The following SDC3 variants were observed in gnomAD, a reference collection of about 807,000 sequenced individuals.
The protein encoded by SDC3 is syndecan 3.
SDC3 carries 13 observed loss-of-function variants against 24.4 expected under a neutral mutation model. The observed-to-expected ratio is 0.53, with a 90% CI of 0.35 to 0.85. The LOEUF is 0.85. Ranked by LOEUF, SDC3 falls within the 40% of genes least tolerant of loss-of-function variation. SDC3 has a pLI of 0.01. For synonymous variants in SDC3, 295 were observed against 260.9 expected, an observed-to-expected ratio of 1.13 and a Z score of -1.26; for missense variants, 571 against 584.5, an observed-to-expected ratio of 0.98 and a Z score of 0.24.
rs1441059578 is a variant in SDC3 at position 30,870,645 on chromosome 1, C to T, written c.*2566G>A. On this transcript the variant is annotated 3_prime_UTR_variant, in exon 5 of 5. Coordinates refer to ENST00000339394, the MANE Select transcript of SDC3 (RefSeq NM_014654.4). ...GGTCCAGGGATCCATGAACAAGGCC[C>T]CTGGCCTCTTCTCTCAAATGCTAAG... 1 of 152,238 alleles carries T rather than the reference C, an allele frequency of 6.6e-6. No homozygotes were observed. The highest frequency in any genetic ancestry group is 6.5e-5 in the Admixed American group (1 of 15,292). 9.4% of individuals were successfully genotyped at this position (152,238 alleles called of 1,614,324 possible).
intron 1 of SDC3, chr1:30,881,483 T>A (rs1639744098): frequency 2.0e-5 from 3 of 152,510 alleles, no homozygotes; most frequent in African/African-American, 7.2e-5. Context: ...ACAACTCGGA[T>A]ACAACCTTTC....
At chr1:30,904,359 G>C (rs537299440) in intron 1 of SDC3, among the ~76,000 whole-genome samples, 1 of 152,204 alleles carries the variant, frequency 6.6e-6, no homozygotes, top group Admixed American at 6.5e-5. Context: ...CTCCCACTTG[G>C]GATGAGCCCC....
intron 1 of SDC3, among the ~76,000 whole-genome samples, chr1:30,891,634 T>C (rs1277173694): frequency 8.6e-5 from 13 of 151,476 alleles, no homozygotes; most frequent in Admixed American, 4.6e-4. Flanking sequence ...TCCCAGAATT[T>C]TGGGAGGCTG....
chr1:30,892,024 C>T (rs1201124747), intron 1 of SDC3, among the ~76,000 whole-genome samples: 1 of 151,968 alleles, frequency 6.6e-6, no homozygotes, highest in African/African-American at 2.4e-5. Context: ...CTCACCCCCC[C>T]AACCCAACAT....
In SDC3 at chr1:30,871,424, T is replaced by C. The variant is rs1461081120; in HGVS notation, c.*1787A>G. On this transcript the variant is annotated 3_prime_UTR_variant, in exon 5 of 5. Transcript: ENST00000339394. ...TGTGACCCCACATTTAAAATACCGATGGAAATAGCCCTACTTGCTAGGTAA... is the reference window on the plus strand; with the variant it reads ...TGTGACCCCACATTTAAAATACCGACGGAAATAGCCCTACTTGCTAGGTAA... 4 of 152,196 alleles carry C rather than the reference T, an allele frequency of 2.6e-5. No homozygotes were observed. Among genetic ancestry groups the C allele is most frequent in the African/African-American group, 9.6e-5 (4 of 41,510 alleles). The allele number at this position is 152,196 out of a possible 1,614,324, so 9.4% of individuals were successfully genotyped here.
At chr1:30,876,190 C>T (rs1219297128) in intron 3 of SDC3, among the ~76,000 whole-genome samples, 1 of 152,150 alleles carries the variant, frequency 6.6e-6, no homozygotes, top group East Asian at 1.9e-4. Flanking sequence ...CAGGGACTGG[C>T]CTGAGGTCCC....
chr1:30,881,428 AC>A (rs1639742654), intron 1 of SDC3: 2 of 153,032 alleles, frequency 1.3e-5, no homozygotes, highest in African/African-American at 4.8e-5. Flanking sequence ...TCGCTCCTAG[AC>A]ATCACCCTCG....
At chr1:30,873,503 G>A in intron 4 of SDC3, 126 bp from the exon 5 acceptor site, 1 of 649,932 alleles carries the variant, frequency 1.5e-6, no homozygotes, top group Non-Finnish European at 2.7e-6. Flanking sequence ...GAGTGATGAT[G>A]GAGTCAATAC....
chr1:30,897,372 C>A (rs1397671229), intron 1 of SDC3, among the ~76,000 whole-genome samples: 1 of 152,162 alleles, frequency 6.6e-6, no homozygotes, highest in Non-Finnish European at 1.5e-5. Context: ...CCTCAGTGTC[C>A]CCTTTGGAAC....
At chr1:30,894,653 T>C (rs1317711329) in intron 1 of SDC3, among the ~76,000 whole-genome samples, 9 of 29,020 alleles carry the variant, frequency 3.1e-4, no homozygotes, top group Non-Finnish European at 4.6e-4. Context: ...GTGTGGGGTG[T>C]GTGTGGGTGA....
Position 30,871,270 on chromosome 1 carries a change from C to T in SDC3, c.*1941G>A, listed in dbSNP as rs1417565540. The T allele has an allele frequency of 6.6e-6, 1 of 152,274 alleles. No individual in the cohort carries two copies. The highest frequency in any genetic ancestry group is 1.5e-5 in the Non-Finnish European group (1 of 68,064). 9.4% of individuals were successfully genotyped at this position (152,274 alleles called of 1,614,324 possible). The stretch of plus-strand genomic sequence containing the variant: ...TCTTGAAAAGGGCCCTGAAATAAAA[C>T]CTGCCTTCCTGACTTGAATCTGGGA... On this transcript the variant is annotated 3_prime_UTR_variant, in exon 5 of 5. Transcript: ENST00000339394.
In SDC3 at chr1:30,908,623, G is replaced by GC; in HGVS notation, c.-38_-37insG. The stretch of plus-strand genomic sequence containing the variant: ...GGGCGCGGGCGGCGGGCGGCGGGCG[G>GC]GCGCCTTTGTTCCCGAGGCGCGGCG... On this transcript the variant is annotated 5_prime_UTR_variant, in exon 1 of 5. Coordinates refer to ENST00000339394, the MANE Select transcript of SDC3 (RefSeq NM_014654.4). The GC allele has an allele frequency of 1.1e-6, 1 of 878,558 alleles. No individual in the cohort carries two copies. Among genetic ancestry groups the GC allele is most frequent in the Non-Finnish European group, 1.4e-6 (1 of 736,190 alleles). 54.4% of individuals were successfully genotyped at this position (878,558 alleles called of 1,614,324 possible). A position where few individuals can be genotyped will look rare whatever the true frequency, so the allele number is the denominator to read the frequency against.
In SDC3 at chr1:30,874,464, T is replaced by G. The variant is rs1639596706; in HGVS notation, c.995A>C (p.Glu332Ala). 2 of 1,614,056 alleles carry G rather than the reference T, an allele frequency of 1.2e-6. No individual in the cohort carries two copies. The highest frequency in any genetic ancestry group is 1.7e-6 in the Non-Finnish European group (2 of 1,180,024). Reference protein sequence around the residue: ...EETTQPDTANEVVAVGGAAAK... With the variant: ...EETTQPDTANAVVAVGGAAAK... ...CGCAGCCCCTCCCACAGCTACCACC[T>G]CATTGGCTGTGTCTGGTTGTGTGGT... is the stretch of plus-strand genomic sequence containing the variant. Residue 332 changes from glutamate to alanine, a missense_variant, in exon 4 of 5, where the codon GAG becomes GCG. Physicochemically the swap from Glu to Ala is moderately radical, Grantham distance 107. Coordinates refer to ENST00000339394, the MANE Select transcript of SDC3 (RefSeq NM_014654.4).
Position 30,870,124 on chromosome 1 carries a change from C to T in SDC3, c.*3087G>A. On this transcript the variant is annotated 3_prime_UTR_variant, in exon 5 of 5. Coordinates refer to ENST00000339394, the MANE Select transcript of SDC3 (RefSeq NM_014654.4). ...CCTACCCCATGAGGCAGAGGGTCTGCTCCCTGTGTCCAGGGGCCCCCACCA... is the reference window on the plus strand; with the variant it reads ...CCTACCCCATGAGGCAGAGGGTCTGTTCCCTGTGTCCAGGGGCCCCCACCA... 1 of 389,104 alleles carries T rather than the reference C, an allele frequency of 2.6e-6. No homozygotes were observed. The highest frequency in any genetic ancestry group is 4.5e-6 in the Non-Finnish European group (1 of 220,656). The allele number at this position is 389,104 out of a possible 1,614,324, so 24.1% of individuals were successfully genotyped here.
chr1:30,909,668 C>T (rs1638613100), upstream of SDC3, among the ~76,000 whole-genome samples: 1 of 152,202 alleles, frequency 6.6e-6, no homozygotes, highest in South Asian at 2.1e-4. Context: ...GGTTTTGTGT[C>T]TGTCTTGTTC....
chr1:30,886,531 G>T (rs976501348), intron 1 of SDC3, among the ~76,000 whole-genome samples: 1 of 152,122 alleles, frequency 6.6e-6, no homozygotes, highest in African/African-American at 2.4e-5. Context: ...CCACTCAGCT[G>T]CCCTGGGAAG....
intron 1 of SDC3, among the ~76,000 whole-genome samples, chr1:30,907,281 G>A (rs1413252119): frequency 1.2e-4 from 18 of 152,100 alleles, no homozygotes. Context: ...AACTCATCTG[G>A]GGCCTGGATC....
At chr1:30,894,659 GGTGA>G (rs1286783877) in intron 1 of SDC3, among the ~76,000 whole-genome samples, 19 of 23,200 alleles carry the variant, frequency 8.2e-4, no homozygotes, top group Non-Finnish European at 9.8e-4. Context: ...GGTGTGTGTG[GGTGA>G]GTGTGTGTGG....
rs144880197 is a variant in SDC3 at position 30,890,883 on chromosome 1, G to A, written c.139-12143C>T. Reference sequence around the variant, plus strand: ...AGCCCCCGCCCCCAGACAGGCAAACGTTTAGTCCGCAGACCACAAGTGGGA... The same window carrying A: ...AGCCCCCGCCCCCAGACAGGCAAACATTTAGTCCGCAGACCACAAGTGGGA... On this transcript the variant is annotated intron_variant, in intron 1 of 4. Coordinates refer to ENST00000339394, the MANE Select transcript of SDC3 (RefSeq NM_014654.4). 1.1e-4 allele frequency among the ~76,000 whole-genome samples: 16 copies of A among 152,292 alleles called. No individual in the cohort carries two copies. In the East Asian group the frequency reaches 2.7e-3, roughly 26 times the overall value.
Sources: allele counts gnomAD v4.1 joint callset (sites outside exome capture counted in the v4.1 genomes callset), GRCh38; gene constraint gnomAD v4.1.1; transcripts MANE v1.5; gene names NCBI Gene and HGNC (gene_info 2026-07-23, HGNC 2026-07-21).